The following HDAC4 variants were observed in gnomAD, a reference collection of about 807,000 sequenced individuals.
The protein encoded by HDAC4 is histone deacetylase 4.
A neutral mutation model predicts 135.1 loss-of-function variants in HDAC4; 16 were observed. The observed-to-expected ratio is 0.12, with a 90% CI of 0.08 to 0.18. The LOEUF (loss-of-function observed/expected upper bound fraction) is 0.18, where lower values mean the gene tolerates loss of function less well. Ranked by LOEUF, HDAC4 falls within the 10% of genes least tolerant of loss-of-function variation. The pLI is 1.00. For missense variants in HDAC4, 1,143 were observed against 1,511.8 expected (o/e 0.76, Z 4.05); for synonymous variants, 685 against 653.4 (o/e 1.05, Z -0.74).
intron 1 of HDAC4, among the ~76,000 whole-genome samples, chr2:239,389,312 T>A (rs1301664111): frequency 6.6e-6 from 1 of 152,172 alleles, no homozygotes; most frequent in African/African-American, 2.4e-5. Context: ...CCACAATAAA[T>A]CTTGCTGCTG....
At chr2:239,188,516 C>T (rs956961657) in intron 4 of HDAC4, among the ~76,000 whole-genome samples, 1 of 152,242 alleles carries the variant, frequency 6.6e-6, no homozygotes, top group African/African-American at 2.4e-5. Flanking sequence ...AACTTCTACC[C>T]ATGGACCACG....
intron 3 of HDAC4, among the ~76,000 whole-genome samples, chr2:239,230,368 C>CAAAAAAAAAAAAAAAAAAAAAACAAA (rs56105562): frequency 8.8e-5 from 7 of 79,394 alleles, no homozygotes; most frequent in Admixed American, 1.5e-4. Context: ...AGCAAGCAAG[C>CAAAAAAAAAAAAAAAAAAAAAACAAA]AAAAAAAAAA....
At chr2:239,397,798 G>T (rs1172705823) in intron 1 of HDAC4, among the ~76,000 whole-genome samples, 2 of 152,090 alleles carry the variant, frequency 1.3e-5, no homozygotes, top group Admixed American at 6.5e-5. Context: ...CTGTTCAAAG[G>T]TAGCATCACT....
At chr2:239,124,571 T>C (rs202025194) in intron 12 of HDAC4, among the ~76,000 whole-genome samples, 10 of 149,192 alleles carry the variant, frequency 6.7e-5, no homozygotes, top group East Asian at 2.1e-4. Flanking sequence ...GACATTCCAG[T>C]GTGCCGGCAT....
intron 1 of HDAC4, among the ~76,000 whole-genome samples, chr2:239,385,667 G>A (rs1303527638): frequency 3.3e-5 from 5 of 152,174 alleles, no homozygotes; most frequent in Non-Finnish European, 7.3e-5. Context: ...TTCTACAGAC[G>A]CCACCCCAGG....
At chr2:239,346,808 G>T (rs1692721442) in intron 2 of HDAC4, among the ~76,000 whole-genome samples, 1 of 115,342 alleles carries the variant, frequency 8.7e-6, no homozygotes. Flanking sequence ...CACACACCCT[G>T]TCTAAAACAC....
At chr2:239,371,183 G>A (rs1000933250) in intron 1 of HDAC4, among the ~76,000 whole-genome samples, 11 of 152,274 alleles carry the variant, frequency 7.2e-5, no homozygotes, top group East Asian at 1.9e-4. Context: ...CCTGCACCAC[G>A]GCCCCGTCCA....
At chr2:239,330,320 C>A (rs1019881051) in intron 2 of HDAC4, among the ~76,000 whole-genome samples, 1 of 152,260 alleles carries the variant, frequency 6.6e-6, no homozygotes, top group Non-Finnish European at 1.5e-5. Flanking sequence ...GAAGAGATGC[C>A]TCACAGGAGA....
At chr2:239,166,553 A>G (rs2043134792) in intron 5 of HDAC4, among the ~76,000 whole-genome samples, 1 of 152,126 alleles carries the variant, frequency 6.6e-6, no homozygotes, top group African/African-American at 2.4e-5. Flanking sequence ...CATCACTTAG[A>G]AGCACTTTTA....
Position 239,115,448 on chromosome 2 carries a change from C to T in HDAC4, c.1534-138G>A. The T allele has an allele frequency of 2.0e-6, 2 of 1,023,906 alleles. No homozygotes were observed. Among genetic ancestry groups the T allele is most frequent in the Non-Finnish European group, 2.9e-6 (2 of 700,298 alleles). The allele number at this position is 1,023,906 out of a possible 1,614,324, so 63.4% of individuals were successfully genotyped here. A position where few individuals can be genotyped will look rare whatever the true frequency, so the allele number is the denominator to read the frequency against. On this transcript the variant is annotated intron_variant, in intron 12 of 26. Coordinates refer to ENST00000543185, the MANE Select transcript of HDAC4 (RefSeq NM_001378414.1). The surrounding 1 kb of genome is among the most constrained non-coding windows in gnomAD (Gnocchi z 6.3). Reference sequence around the variant, plus strand: ...GGGCACCTTATCACCCTGCCACAGGCCAGCAGGCACCTTTATCTCCCAACA... The same window carrying T: ...GGGCACCTTATCACCCTGCCACAGGTCAGCAGGCACCTTTATCTCCCAACA...
intron 1 of HDAC4, among the ~76,000 whole-genome samples, chr2:239,391,245 G>A (rs1213468953): frequency 3.3e-5 from 5 of 152,268 alleles, no homozygotes; most frequent in African/African-American, 9.6e-5. Flanking sequence ...GAAGCATCAC[G>A]GTGCTTCTGA....
At chr2:239,397,210 G>A (rs780016740) in intron 1 of HDAC4, among the ~76,000 whole-genome samples, 1 of 152,248 alleles carries the variant, frequency 6.6e-6, no homozygotes, top group Non-Finnish European at 1.5e-5. Context: ...TAGAAGCAGA[G>A]GCACGGAGAG....
chr2:239,316,474 A>G (rs2125734206), intron 2 of HDAC4, among the ~76,000 whole-genome samples: 1 of 152,322 alleles, frequency 6.6e-6, no homozygotes, highest in South Asian at 2.1e-4. Context: ...TAGGCATGGT[A>G]GCACGGGCCT....
At chr2:239,221,120 C>A (rs1004633085) in intron 3 of HDAC4, among the ~76,000 whole-genome samples, 1 of 152,182 alleles carries the variant, frequency 6.6e-6, no homozygotes. Flanking sequence ...CGTTTACAGG[C>A]GCCTTAAATG....
intron 2 of HDAC4, among the ~76,000 whole-genome samples, chr2:239,257,088 C>A (rs1175542399): frequency 6.6e-6 from 1 of 152,084 alleles, no homozygotes; most frequent in Admixed American, 6.5e-5. Flanking sequence ...CCTATAAACC[C>A]TTTAATAATT....
intron 22 of HDAC4, among the ~76,000 whole-genome samples, chr2:239,073,776 G>C (rs1250139494): frequency 1.3e-5 from 2 of 152,274 alleles, no homozygotes; most frequent in Non-Finnish European, 2.9e-5. Context: ...CCGCAGGGCT[G>C]GGAGGGGAGA....
At chr2:239,231,015 C>G (rs1416621236) in intron 3 of HDAC4, among the ~76,000 whole-genome samples, 2 of 152,230 alleles carry the variant, frequency 1.3e-5, no homozygotes, top group Non-Finnish European at 2.9e-5. Context: ...TCAAACACCC[C>G]TTAGATGTGG....
intron 5 of HDAC4, among the ~76,000 whole-genome samples, chr2:239,165,731 G>A (rs1479631493): frequency 1.3e-5 from 2 of 152,166 alleles, no homozygotes; most frequent in African/African-American, 2.4e-5. Context: ...CGGCTGCTCC[G>A]TGTGTGTGTG....
chr2:239,218,437 C>T (rs1575438068), intron 3 of HDAC4, among the ~76,000 whole-genome samples: 1 of 150,976 alleles, frequency 6.6e-6, no homozygotes, highest in East Asian at 2.0e-4. Context: ...GAAACTGGAT[C>T]CCTTCCTTAC....
Sources: allele counts gnomAD v4.1 joint callset (sites outside exome capture counted in the v4.1 genomes callset), GRCh38; gene constraint gnomAD v4.1.1; non-coding constraint Gnocchi (gnomAD v3.1); transcripts MANE v1.5; gene names NCBI Gene and HGNC (gene_info 2026-07-23, HGNC 2026-07-21).